The following KIF1A variants were observed in gnomAD, a reference collection of about 807,000 sequenced individuals.
The protein encoded by KIF1A is kinesin family member 1A.
Under a neutral mutation model 227.3 loss-of-function variants are expected in KIF1A, and 46 were observed. The observed-to-expected ratio is 0.20, with a 90% CI of 0.16 to 0.26. The LOEUF is 0.26. Ranked by LOEUF, KIF1A falls within the 10% of genes least tolerant of loss-of-function variation. The probability of loss-of-function intolerance (pLI) is 1.00; values close to 1 mark genes in which losing one functional copy is unlikely to be tolerated. For synonymous variants in KIF1A, 1,022 were observed against 1,012.8 expected (o/e 1.01, Z -0.17); for missense variants, 1,683 against 2,485.9 (o/e 0.68, Z 6.87).
chr2:240,784,719 G>A (rs1026046891), intron 7 of KIF1A, among the ~76,000 whole-genome samples: 17 of 152,120 alleles, frequency 1.1e-4, no homozygotes, highest in African/African-American at 2.4e-4. Context: ...TGCCCCTCCC[G>A]TAAGCCTGGA....
chr2:240,808,649 G>T (rs1289497388), intron 1 of KIF1A, among the ~76,000 whole-genome samples: 3 of 151,866 alleles, frequency 2.0e-5, no homozygotes, highest in East Asian at 3.9e-4. Context: ...CTCCAGGCTG[G>T]GCAACAGAGC....
chr2:240,805,344 A>C (rs2126195561), intron 1 of KIF1A, among the ~76,000 whole-genome samples: 1 of 152,382 alleles, frequency 6.6e-6, no homozygotes, highest in East Asian at 1.9e-4. Flanking sequence ...CAGAACTTTT[A>C]GAAATAAAAT....
intron 8 of KIF1A, 91 bp downstream of exon 8, chr2:240,783,648 G>T: frequency 9.8e-7 from 1 of 1,020,684 alleles, no homozygotes; most frequent in Non-Finnish European, 1.4e-6. Context: ...GGTGGCCCAG[G>T]CCCCCGGGAC....
At position 240,766,283 on chromosome 2, in the gene KIF1A, G is replaced by A. The variant is rs549640685; in HGVS notation, c.1685-490C>T. ...CCAGAGGCTGGCTGGATGCTGCCGG[G>A]AGATGCCCTTAGCCTGGGCTGTGGG... On this transcript the variant is annotated intron_variant, in intron 19 of 48. Transcript: ENST00000498729. This position sits in a 1 kb window ranked among gnomAD's most constrained non-coding sequence, Gnocchi z 5.0. 3.1e-4 allele frequency among the ~76,000 whole-genome samples: 47 copies of A among 152,246 alleles called. No homozygotes were observed. The highest frequency in any genetic ancestry group is 5.7e-4 in the Non-Finnish European group (39 of 68,040).
Position 240,766,835 on chromosome 2 carries a change from G to A in KIF1A, c.1684+80C>T. ...CGACCCACTTAGTGCTGGGTAAGCT[G>A]GGAGAGGGTGACCTCATTCAGGCCT... On this transcript the variant is annotated intron_variant, in intron 19 of 48. Transcript: ENST00000498729. The surrounding 1 kb of genome is among the most constrained non-coding windows in gnomAD (Gnocchi z 5.0). 1 of 935,606 alleles carries A rather than the reference G, an allele frequency of 1.1e-6. No homozygotes were observed. Among genetic ancestry groups the A allele is most frequent in the Non-Finnish European group, 1.7e-6 (1 of 602,126 alleles). 58.0% of individuals were successfully genotyped at this position (935,606 alleles called of 1,614,324 possible).
At position 240,774,063 on chromosome 2, in the gene KIF1A, G is replaced by A. The variant is rs115925636; in HGVS notation, c.1037+120C>T. 5,658 of 611,398 alleles carry A rather than the reference G, an allele frequency of 9.3e-3. 56 individuals carry two copies. Among genetic ancestry groups the A allele is most frequent in the Non-Finnish European group, 9.2e-3 (3,139 of 341,020 alleles). 37.9% of individuals were successfully genotyped at this position (611,398 alleles called of 1,614,324 possible). On this transcript the variant is annotated intron_variant, in intron 12 of 48. Coordinates refer to ENST00000498729, the MANE Select transcript of KIF1A (RefSeq NM_001244008.2). ...GTCTCTTCCAGCCTCACAGAGTCCAGGGTATACCCCTCACAAAGAGTCGCC... is the reference window on the plus strand; with the variant it reads ...GTCTCTTCCAGCCTCACAGAGTCCAAGGTATACCCCTCACAAAGAGTCGCC...
chr2:240,726,667 G>A lies in KIF1A; in HGVS notation c.4122+159C>T, dbSNP rs893257477. ...TTTATGGATTCAACCTTGCAGTCCA[G>A]TTTTTGTTTTTGTTTTTTAAAAGGC... On this transcript the variant is annotated intron_variant, in intron 39 of 48. Transcript: ENST00000498729. The surrounding 1 kb of genome is among the most constrained non-coding windows in gnomAD (Gnocchi z 5.2). Among the ~76,000 whole-genome samples, 1 of 152,124 alleles carries A rather than the reference G, an allele frequency of 6.6e-6. No individual in the cohort carries two copies. The highest frequency in any genetic ancestry group is 1.5e-5 in the Non-Finnish European group (1 of 68,016).
At position 240,788,040 on chromosome 2, in the gene KIF1A, C is replaced by A; in HGVS notation, c.363+11G>T. On this transcript the variant is annotated intron_variant, in intron 4 of 48. Coordinates refer to ENST00000498729, the MANE Select transcript of KIF1A (RefSeq NM_001244008.2). The surrounding 1 kb of genome is among the most constrained non-coding windows in gnomAD (Gnocchi z 6.6). ...TGCCAGGGCTGCCCCCGCCCGCCCC[C>A]CGCTTCGTGCCTGTGGGATGATGCC... The A allele has an allele frequency of 1.3e-6, 2 of 1,518,496 alleles. No homozygotes were observed. Among genetic ancestry groups the A allele is most frequent in the South Asian group, 2.4e-5 (2 of 83,546 alleles). 94.1% of individuals were successfully genotyped at this position (1,518,496 alleles called of 1,614,324 possible). A position where few individuals can be genotyped will look rare whatever the true frequency, so the allele number is the denominator to read the frequency against.
chr2:240,769,744 T>G (rs760019876), intron 15 of KIF1A, 38 bp from the exon 16 acceptor site: 1 of 1,570,274 alleles, frequency 6.4e-7, no homozygotes, highest in Admixed American at 1.7e-5. Flanking sequence ...CTGCCGGGGC[T>G]AGGGCCAAGG....
chr2:240,786,740 C>CA (rs1337041477), intron 5 of KIF1A, among the ~76,000 whole-genome samples: 8 of 136,748 alleles, frequency 5.9e-5, no homozygotes, highest in African/African-American at 2.2e-4. Flanking sequence ...GGGCTGCCTG[C>CA]TGGGCCCCTG....
At chr2:240,742,247 CTG>C (rs2048061734) in intron 34 of KIF1A, among the ~76,000 whole-genome samples, 1 of 152,220 alleles carries the variant, frequency 6.6e-6, no homozygotes, top group Non-Finnish European at 1.5e-5. Flanking sequence ...CACCCACCAG[CTG>C]CAGAAGCAGC....
chr2:240,753,864 C>A (rs1474440537), intron 27 of KIF1A, among the ~76,000 whole-genome samples: 2 of 152,194 alleles, frequency 1.3e-5, no homozygotes. Context: ...CAGGGCCTGG[C>A]AGCAAGGGCC....
intron 2 of KIF1A, among the ~76,000 whole-genome samples, chr2:240,795,380 C>T (rs369431050): frequency 3.3e-5 from 5 of 152,234 alleles, no homozygotes; most frequent in African/African-American, 7.2e-5. Context: ...GATATGGCTC[C>T]GGCCTCTGGC....
At chr2:240,784,948 C>T in intron 7 of KIF1A, 41 bp downstream of exon 7, 1 of 1,521,482 alleles carries the variant, frequency 6.6e-7, no homozygotes, top group Non-Finnish European at 9.1e-7. Context: ...GACCACCAGC[C>T]ACTGCCCTTG....
intron 1 of KIF1A, among the ~76,000 whole-genome samples, chr2:240,802,090 C>T (rs2057020279): frequency 8.3e-6 from 1 of 120,114 alleles, no homozygotes; most frequent in Admixed American, 8.5e-5. Context: ...AGCTTAAAGT[C>T]AGCCAGAAAA....
intron 28 of KIF1A, among the ~76,000 whole-genome samples, chr2:240,748,018 C>T (rs2048802375): frequency 1.3e-5 from 2 of 152,230 alleles, no homozygotes; most frequent in Admixed American, 1.3e-4. Context: ...TCTAAGTTCC[C>T]TTCTCCACCA....
Position 240,741,320 on chromosome 2 carries a change from T to C in KIF1A, c.3698A>G (p.Lys1233Arg), listed in dbSNP as rs1553629083. ...TRPCPGPCHC[K>R]YDLLVYFEIC... ...CTCGAAGTAGACCAGCAGGTCGTACTTGCAGTGGCAGGGTCCCGGACAGGG... is the reference window on the plus strand; with the variant it reads ...CTCGAAGTAGACCAGCAGGTCGTACCTGCAGTGGCAGGGTCCCGGACAGGG... Residue 1233 changes from lysine to arginine, a missense_variant, in exon 35 of 49, where the codon AAG (lysine) becomes AGG (arginine). Lys to Arg is a conservative substitution (Grantham distance 26). Coordinates refer to ENST00000498729, the MANE Select transcript of KIF1A (RefSeq NM_001244008.2). 6.2e-7 allele frequency: 1 copy of C among 1,600,764 alleles called. No homozygotes were observed. Among genetic ancestry groups the C allele is most frequent in the East Asian group, 2.2e-5 (1 of 44,556 alleles).
intron 6 of KIF1A, among the ~76,000 whole-genome samples, chr2:240,785,601 C>T (rs893573849): frequency 3.3e-5 from 5 of 152,180 alleles, no homozygotes; most frequent in African/African-American, 1.2e-4. Flanking sequence ...CCTGATGCCA[C>T]CCTGACCTGC....
At position 240,780,760 on chromosome 2, in the gene KIF1A, C is replaced by G. The variant is rs116298238; in HGVS notation, c.882+1830G>C. On this transcript the variant is annotated intron_variant, in intron 10 of 48. Coordinates refer to ENST00000498729, the MANE Select transcript of KIF1A (RefSeq NM_001244008.2). Reference sequence around the variant, plus strand: ...GGACACACAGTTCTCTGCAGGCTCCCCACACAGCTCCACACACACACACAC... The same window carrying G: ...GGACACACAGTTCTCTGCAGGCTCCGCACACAGCTCCACACACACACACAC... Among the ~76,000 whole-genome samples, 561 of 138,114 alleles carry G rather than the reference C, an allele frequency of 4.1e-3. 4 individuals carry two copies. Among genetic ancestry groups the G allele is most frequent in the African/African-American group, 0.015 (516 of 34,578 alleles). 90.6% of individuals were successfully genotyped at this position (138,114 alleles called of 152,430 possible).
Sources: allele counts gnomAD v4.1 joint callset (sites outside exome capture counted in the v4.1 genomes callset), GRCh38; gene constraint gnomAD v4.1.1; non-coding constraint Gnocchi (gnomAD v3.1); transcripts MANE v1.5; gene names NCBI Gene and HGNC (gene_info 2026-07-23, HGNC 2026-07-21).